The following CYP2W1 variants were observed in gnomAD, a reference collection of about 807,000 sequenced individuals.
CYP2W1 encodes cytochrome P450 family 2 subfamily W member 1.
A neutral mutation model predicts 44.9 loss-of-function variants in CYP2W1; 51 were observed. That is an observed-to-expected ratio of 1.14 (90% CI 0.91 to 1.43). The LOEUF is 1.43. CYP2W1 is among the 40% of genes most tolerant of loss of function. The probability of loss-of-function intolerance (pLI) is 0.00; values close to 1 mark genes in which losing one functional copy is unlikely to be tolerated. For missense variants in CYP2W1, 746 were observed against 700.0 expected, an observed-to-expected ratio of 1.07 and a Z score of -0.74; for synonymous variants, 383 against 338.3, an observed-to-expected ratio of 1.13 and a Z score of -1.45.
In CYP2W1 at chr7:986,667, ACCGGC is replaced by A; in HGVS notation, c.693_697del (p.Val233AlafsTer42). ...TGGCTCGGGGCCCTGCTCCAGCTGC[ACCGGC>A]CCGTCCTGCGCAAGATCGAGGAGGT... On this transcript the variant is annotated frameshift_variant, in exon 5 of 9. Transcript: ENST00000308919. LOFTEE classifies it high-confidence loss of function. 6.2e-7 allele frequency: 1 copy of A among 1,612,640 alleles called. No homozygotes were observed. Among genetic ancestry groups the A allele is most frequent in the Non-Finnish European group, 8.5e-7 (1 of 1,179,874 alleles).
intron 1 of CYP2W1, among the ~76,000 whole-genome samples, chr7:983,949 C>T (rs1053740441): frequency 6.6e-6 from 1 of 152,304 alleles, no homozygotes; most frequent in African/African-American, 2.4e-5. Context: ...CAGGGCTGAC[C>T]AGTCAGGCCC....
Position 985,080 on chromosome 7 carries a change from G to A in CYP2W1, c.468G>A (p.Gly156=). ...TGCAGGAGCTGAAATGCCTCTCTGG[G>A]CAGCTGGATGGCTACAGAGGTGAGC... ...KILQELKCLS[G]QLDGYRGRPF... Residue 156 remains glycine, a synonymous_variant, in exon 3 of 9, where the codon GGG becomes GGA. Transcript: ENST00000308919. The A allele has an allele frequency of 1.9e-6, 3 of 1,612,346 alleles. No homozygotes were observed. The Admixed American group carries it at 5.0e-5, about 27-fold the overall frequency.
At chr7:984,361 G>T in intron 1 of CYP2W1, 51 bp from the exon 2 acceptor site, 1 of 1,535,770 alleles carries the variant, frequency 6.5e-7, no homozygotes. Flanking sequence ...GGGACCTAAG[G>T]GGGGTCTTGT....
intron 1 of CYP2W1, among the ~76,000 whole-genome samples, chr7:984,147 G>A (rs1379155692): frequency 6.6e-6 from 1 of 152,212 alleles, no homozygotes; most frequent in Non-Finnish European, 1.5e-5. Context: ...CTCAGGGCTT[G>A]AGCCCCCCAG....
Position 988,177 on chromosome 7 carries a change from G to A in CYP2W1, c.1144-100G>A, listed in dbSNP as rs768104672. The A allele has an allele frequency of 2.5e-4, 340 of 1,348,072 alleles. 1 individual carries two copies. The highest frequency in any genetic ancestry group is 3.3e-4 in the Non-Finnish European group (330 of 998,404). The allele number at this position is 1,348,072 out of a possible 1,614,324, so 83.5% of individuals were successfully genotyped here. A position where few individuals can be genotyped will look rare whatever the true frequency, so the allele number is the denominator to read the frequency against. On this transcript the variant is annotated intron_variant, in intron 7 of 8. Coordinates refer to ENST00000308919, the MANE Select transcript of CYP2W1 (RefSeq NM_017781.3). ...AAGGTGGGCTAACACCAGGTGTGGT[G>A]GGTGTGGCAGGAGCTACATCCTGGA...
chr7:987,182 G>C lies in CYP2W1; in HGVS notation c.895G>C (p.Glu299Gln). The change falls in exon 6 of 9, where the codon GAG becomes CAG. Residue 299 changes from glutamate to glutamine, a missense_variant. Coordinates refer to ENST00000308919, the MANE Select transcript of CYP2W1 (RefSeq NM_017781.3). ...CTLDMVMAGT[E>Q]TTSATLQWAA... The stretch of plus-strand genomic sequence containing the variant: ...CCTGGACATGGTCATGGCCGGGACG[G>C]AGACGACCTCGGCCACGCTGCAGTG... 6.4e-7 allele frequency: 1 copy of C among 1,561,980 alleles called. No individual in the cohort carries two copies. The highest frequency in any genetic ancestry group is 8.7e-7 in the Non-Finnish European group (1 of 1,153,976).
chr7:988,471 G>A (rs752959117), intron 8 of CYP2W1, 53 bp downstream of exon 8: 1 of 1,607,398 alleles, frequency 6.2e-7, no homozygotes, highest in Non-Finnish European at 8.5e-7. Flanking sequence ...CTCCAGGGGT[G>A]GGACGGCCCC....
At chr7:986,519 C>A in intron 4 of CYP2W1, 105 bp from the exon 5 acceptor site, 1 of 1,360,396 alleles carries the variant, frequency 7.4e-7, no homozygotes, top group Non-Finnish European at 1.0e-6. Context: ...CACATCCACC[C>A]AGAGTCCCTG....
Position 987,543 on chromosome 7 carries a change from C to G in CYP2W1, c.1143+12C>G. The G allele has an allele frequency of 6.6e-7, 1 of 1,504,734 alleles. No homozygotes were observed. The highest frequency in any genetic ancestry group is 8.9e-7 in the Non-Finnish European group (1 of 1,125,248). The allele number at this position is 1,504,734 out of a possible 1,614,324, so 93.2% of individuals were successfully genotyped here. On this transcript the variant is annotated intron_variant, in intron 7 of 8. Coordinates refer to ENST00000308919, the MANE Select transcript of CYP2W1 (RefSeq NM_017781.3). The stretch of plus-strand genomic sequence containing the variant: ...TCCTGCTCCCCAAGGTGGGGCTGGG[C>G]CTCCCTTGCCCCTTCCATCTCCTCT...
Position 983,186 on chromosome 7 carries a change from A to G in CYP2W1, c.-26A>G. On this transcript the variant is annotated 5_prime_UTR_variant, in exon 1 of 9. Transcript: ENST00000308919. ...CGGGGGGGACGGGGCCCAGGAGGGG[A>G]GTGGAGCCTCACCAGCCACGTCCTC... 1 of 1,460,530 alleles carries G rather than the reference A, an allele frequency of 6.8e-7. No individual in the cohort carries two copies. The allele number at this position is 1,460,530 out of a possible 1,614,324, so 90.5% of individuals were successfully genotyped here. A position where few individuals can be genotyped will look rare whatever the true frequency, so the allele number is the denominator to read the frequency against.
chr7:984,834 G>A, intron 2 of CYP2W1, 116 bp from the exon 3 acceptor site: 2 of 1,381,076 alleles, frequency 1.4e-6, no homozygotes, highest in Non-Finnish European at 1.9e-6. Context: ...TGGGGATGGG[G>A]GTGAGGGCCC....
At position 988,830 on chromosome 7, in the gene CYP2W1, C is replaced by T. The variant is rs1306713982; in HGVS notation, c.*8C>T. On this transcript the variant is annotated 3_prime_UTR_variant, in exon 9 of 9. Transcript: ENST00000308919. ...GCGGTGCCCAGGCCCTAGGAGCTCC[C>T]CCAGCCCCCAGGTCCTCCTGACCAC... 3 of 1,514,330 alleles carry T rather than the reference C, an allele frequency of 2.0e-6. No homozygotes were observed. In the Admixed American group the frequency reaches 5.6e-5, roughly 28 times the overall value. The allele number at this position is 1,514,330 out of a possible 1,614,324, so 93.8% of individuals were successfully genotyped here.
Position 986,759 on chromosome 7 carries a change from G to C in CYP2W1, c.781G>C (p.Val261Leu). 2.5e-6 allele frequency: 4 copies of C among 1,602,498 alleles called. No individual in the cohort carries two copies. Among genetic ancestry groups the C allele is most frequent in the Non-Finnish European group, 3.4e-6 (4 of 1,174,586 alleles). Residue 261 changes from valine to leucine, a missense_variant, in exon 5 of 9, where the codon GTG becomes CTG. By Grantham distance (32) the Val-to-Leu change is conservative. Transcript: ENST00000308919. ...RRPHVCPGDPVCSYVDALIQQ... is the reference protein window; with the variant it reads ...RRPHVCPGDPLCSYVDALIQQ... Reference sequence around the variant, plus strand: ...GCCCCACGTGTGCCCGGGGGACCCCGTGTGCAGCTATGTGGACGCCCTGAT... The same window carrying C: ...GCCCCACGTGTGCCCGGGGGACCCCCTGTGCAGCTATGTGGACGCCCTGAT...
rs1848547359 is a variant in CYP2W1 at position 988,272 on chromosome 7, CA to C, written c.1144-4del. The C allele has an allele frequency of 1.9e-6, 3 of 1,575,604 alleles. No individual in the cohort carries two copies. The African/African-American group carries it at 4.0e-5, about 21-fold the overall frequency. ...CCTCTCTCTGTGCCCCGGCTGCCCC[CA>C]CAGGGCACGCCCGTGATTCCCCTGC... On this transcript the variant is annotated splice_polypyrimidine_tract_variant and splice_region_variant and intron_variant, in intron 7 of 8. Transcript: ENST00000308919.
rs1848586364 is a variant in CYP2W1, at chr7:988,653, G to T, written c.1304G>T (p.Gly435Val). 6.2e-7 allele frequency: 1 copy of T among 1,601,756 alleles called. No homozygotes were observed. Among genetic ancestry groups the T allele is most frequent in the African/African-American group, 1.3e-5 (1 of 74,942 alleles). Residue 435 changes from glycine (G) to valine (V), a missense_variant, in exon 9 of 9, where the codon GGG becomes GTG. Physicochemically the swap from Gly to Val is moderately radical, Grantham distance 109 (BLOSUM62 -3). Coordinates refer to ENST00000308919, the MANE Select transcript of CYP2W1 (RefSeq NM_017781.3). ...PFSAGRRVCV[G>V]ERLARTELFL... Reference sequence around the variant, plus strand: ...CCCGCAGGCCGCCGCGTCTGTGTTGGGGAGCGCCTGGCCAGGACCGAGCTC... The same window carrying T: ...CCCGCAGGCCGCCGCGTCTGTGTTGTGGAGCGCCTGGCCAGGACCGAGCTC...
intron 7 of CYP2W1, 143 bp downstream of exon 7, chr7:987,674 C>T (rs1848473357): frequency 2.4e-6 from 2 of 844,310 alleles, no homozygotes; most frequent in Non-Finnish European, 3.5e-6. Context: ...GGCGTCCAGC[C>T]AGGAGCAGGA....
rs937543360 is a variant in CYP2W1 at position 984,480 on chromosome 7, G to A, written c.243G>A (p.Gly81=). The A allele has an allele frequency of 1.3e-6, 2 of 1,551,764 alleles. No individual in the cohort carries two copies. Among genetic ancestry groups the A allele is most frequent in the South Asian group, 1.2e-5 (1 of 84,246 alleles). ...GCCAGAAGACGGTGGTGCTGACGGG[G>A]TTCGAGGCGGTCAAAGAGGCGCTGG... is the stretch of plus-strand genomic sequence containing the variant. ...LGRQKTVVLT[G]FEAVKEALAG... The change falls in exon 2 of 9, where the codon GGG becomes GGA. Residue 81 remains glycine, a synonymous_variant. Coordinates refer to ENST00000308919, the MANE Select transcript of CYP2W1 (RefSeq NM_017781.3).
chr7:987,937 G>GT, intron 7 of CYP2W1, among the ~76,000 whole-genome samples: 1 of 149,202 alleles, frequency 6.7e-6, no homozygotes, highest in African/African-American at 2.5e-5. Context: ...GTGTCCTGGG[G>GT]GGGTCCCCTG....
Position 987,452 on chromosome 7 carries a change from AG to A in CYP2W1, c.1065del (p.Gln355HisfsTer31). 2.5e-6 allele frequency: 4 copies of A among 1,580,480 alleles called. No individual in the cohort carries two copies. The highest frequency in any genetic ancestry group is 3.4e-6 in the Non-Finnish European group (4 of 1,171,248). On this transcript the variant is annotated frameshift_variant, in exon 7 of 9. Coordinates refer to ENST00000308919, the MANE Select transcript of CYP2W1 (RefSeq NM_017781.3). LOFTEE classifies it high-confidence loss of function. Reference protein sequence around the residue: ...PYTSAVLHEVQRFITLLPHVP... With the variant: ...PYTSAVLHEVXRFITLLPHVP... ...ACAAGCGCCGTGCTCCACGAGGTGCAGCGGTTCATCACGCTCCTGCCGCACG... is the reference window on the plus strand; with the variant it reads ...ACAAGCGCCGTGCTCCACGAGGTGCACGGTTCATCACGCTCCTGCCGCACG...
Sources: allele counts gnomAD v4.1 joint callset (sites outside exome capture counted in the v4.1 genomes callset), GRCh38; gene constraint gnomAD v4.1.1; transcripts MANE v1.5; gene names NCBI Gene and HGNC (gene_info 2026-07-23, HGNC 2026-07-21).